WBP1L: variants seen among roughly 807,000 people sequenced by gnomAD.
The protein encoded by WBP1L is WW domain binding protein 1 like, also known as WW domain binding protein 1-like.
Under a neutral mutation model 33.7 loss-of-function variants are expected in WBP1L, and 17 were observed. That is an observed-to-expected ratio of 0.50 (90% confidence interval 0.34 to 0.76). The LOEUF (loss-of-function observed/expected upper bound fraction) is 0.76, where lower values mean the gene tolerates loss of function less well. Among genes scored for constraint, WBP1L ranks in the 30% least tolerant of loss-of-function variants. The probability of loss-of-function intolerance (pLI) is 0.01; values close to 1 mark genes in which losing one functional copy is unlikely to be tolerated. For missense variants in WBP1L, 389 were observed against 469.4 expected (o/e 0.83, Z 1.58); for synonymous variants, 173 against 190.8 (o/e 0.91, Z 0.77).
chr10:102,780,848 A>G (rs912469822), intron 1 of WBP1L, among the ~76,000 whole-genome samples: 1 of 152,208 alleles, frequency 6.6e-6, no homozygotes, highest in African/African-American at 2.4e-5. Flanking sequence ...GGTAAGTTCT[A>G]GTTGATGGAA....
chr10:102,769,549 C>G (rs1003207352), intron 1 of WBP1L, among the ~76,000 whole-genome samples: 1 of 152,042 alleles, frequency 6.6e-6, no homozygotes, highest in African/African-American at 2.4e-5. Context: ...CTTTGTTATC[C>G]CCACAGCACA....
chr10:102,768,384 T>C (rs1336642722), intron 1 of WBP1L, among the ~76,000 whole-genome samples: 1 of 17,072 alleles, frequency 5.9e-5, no homozygotes, highest in Non-Finnish European at 9.6e-5. Context: ...TTTTTTTTTT[T>C]TTTTTTTTTT....
Position 102,809,884 on chromosome 10 carries a change from AC to A in WBP1L, c.194-3del. On this transcript the variant is annotated splice_polypyrimidine_tract_variant and splice_region_variant and intron_variant, in intron 2 of 3. Coordinates refer to ENST00000448841, the MANE Select transcript of WBP1L (RefSeq NM_001083913.2). ...TGTGCCTCTCTGTCTTGCCTTGCCC[AC>A]CCCCCAGGGTTCTGGCTGGTGTGGA... 4 of 1,603,376 alleles carry A rather than the reference AC, an allele frequency of 2.5e-6. No homozygotes were observed. The highest frequency in any genetic ancestry group is 1.7e-6 in the Non-Finnish European group (2 of 1,175,206).
intron 1 of WBP1L, among the ~76,000 whole-genome samples, chr10:102,771,526 A>C (rs1797128746): frequency 6.6e-6 from 1 of 150,718 alleles, no homozygotes; most frequent in African/African-American, 2.4e-5. Context: ...ATTTTAAATA[A>C]AAATTTAAAA....
intron 1 of WBP1L, chr10:102,776,239 C>T (rs532929739): frequency 6.4e-7 from 1 of 1,560,978 alleles, no homozygotes; most frequent in East Asian, 2.3e-5. Context: ...TGCTCGGTCC[C>T]AGGACTCTGT....
chr10:102,764,283 GAAC>G (rs750484304), intron 1 of WBP1L, among the ~76,000 whole-genome samples: 13 of 152,162 alleles, frequency 8.5e-5, no homozygotes, highest in South Asian at 4.1e-4. Flanking sequence ...TCTCAAATAA[GAAC>G]AACAACATTA....
chr10:102,791,186 G>A (rs1843492750), intron 1 of WBP1L, among the ~76,000 whole-genome samples: 1 of 152,126 alleles, frequency 6.6e-6, no homozygotes, highest in Non-Finnish European at 1.5e-5. Context: ...TAGGTCAACT[G>A]GAAAGGCCTG....
intron 1 of WBP1L, among the ~76,000 whole-genome samples, chr10:102,751,431 C>T (rs149650515): frequency 2.0e-5 from 3 of 151,824 alleles, no homozygotes; most frequent in Non-Finnish European, 4.4e-5. Flanking sequence ...TATCTCAGCC[C>T]TCCTAGTAGC....
At chr10:102,768,371 G>GT (rs1192088947) in intron 1 of WBP1L, among the ~76,000 whole-genome samples, 515 of 12,224 alleles carry the variant, frequency 0.042, 33 homozygotes, top group African/African-American at 0.052. Flanking sequence ...TTAGTTTTTT[G>GT]TTTTTTTTTT....
intron 1 of WBP1L, among the ~76,000 whole-genome samples, chr10:102,782,572 A>G (rs2134046964): frequency 6.6e-6 from 1 of 151,996 alleles, no homozygotes; most frequent in East Asian, 1.9e-4. Flanking sequence ...GGGCTTCTTG[A>G]CTCTTATTTC....
intron 3 of WBP1L, among the ~76,000 whole-genome samples, chr10:102,810,472 TC>T (rs1188008341): frequency 2.4e-4 from 14 of 59,004 alleles, no homozygotes; most frequent in Non-Finnish European, 4.4e-4. Flanking sequence ...CTTCCTTCCT[TC>T]CCTCCTTCCT....
chr10:102,794,531 GA>G (rs1843546812), intron 1 of WBP1L, among the ~76,000 whole-genome samples: 1 of 152,086 alleles, frequency 6.6e-6, no homozygotes, highest in Non-Finnish European at 1.5e-5. Context: ...ATCTTAACCA[GA>G]CCTAGGGCCA....
intron 1 of WBP1L, among the ~76,000 whole-genome samples, chr10:102,791,448 G>T (rs1843497134): frequency 6.6e-6 from 1 of 152,178 alleles, no homozygotes; most frequent in African/African-American, 2.4e-5. Flanking sequence ...CATGGTTGGG[G>T]GAAGGGGGTC....
At chr10:102,788,817 G>C (rs1036916749) in intron 1 of WBP1L, among the ~76,000 whole-genome samples, 1 of 152,094 alleles carries the variant, frequency 6.6e-6, no homozygotes, top group Non-Finnish European at 1.5e-5. Flanking sequence ...ATAAATAAAG[G>C]CTCAAGGTAA....
chr10:102,807,665 G>A (rs975866450), intron 2 of WBP1L, among the ~76,000 whole-genome samples: 5 of 152,016 alleles, frequency 3.3e-5, no homozygotes, highest in Middle Eastern at 3.4e-3. Context: ...GAGCCCCTGC[G>A]CCCAGCCATA....
At position 102,813,289 on chromosome 10, in the gene WBP1L, G is replaced by T. The variant is rs768725536; in HGVS notation, c.1050G>T (p.Glu350Asp). 16 of 1,612,438 alleles carry T rather than the reference G, an allele frequency of 9.9e-6. No homozygotes were observed. In the South Asian group the frequency reaches 1.6e-4, roughly 17 times the overall value. The change falls in exon 4 of 4, where the codon GAG (glutamate) becomes GAT (aspartate). Residue 350 changes from glutamate (E) to aspartate (D), a missense_variant. By Grantham distance (45) the Glu-to-Asp change is conservative. Transcript: ENST00000448841. ...PACLLLNTIN[E>D]QDSPNSQSSS... ...GCCTGCTGCTGAACACCATCAACGA[G>T]CAGGACTCTCCCAACTCCCAGAGCA...
intron 1 of WBP1L, among the ~76,000 whole-genome samples, chr10:102,790,250 C>G (rs1843477014): frequency 6.6e-6 from 1 of 152,112 alleles, no homozygotes; most frequent in Non-Finnish European, 1.5e-5. Context: ...TGTGACCCAT[C>G]TGTTGAGTTT....
chr10:102,749,426 A>G (rs1408899068), intron 1 of WBP1L, among the ~76,000 whole-genome samples: 1 of 150,868 alleles, frequency 6.6e-6, no homozygotes, highest in Non-Finnish European at 1.5e-5. Flanking sequence ...GCATGCCACC[A>G]CACCTGGCCC....
chr10:102,784,893 C>G (rs1387320934), intron 1 of WBP1L, among the ~76,000 whole-genome samples: 93 of 126,154 alleles, frequency 7.4e-4, no homozygotes, highest in Non-Finnish European at 1.3e-3. Flanking sequence ...TTTTTTAGGG[C>G]GGGGACAGAG....
Sources: allele counts gnomAD v4.1 joint callset (sites outside exome capture counted in the v4.1 genomes callset), GRCh38; gene constraint gnomAD v4.1.1; transcripts MANE v1.5; gene names NCBI Gene and HGNC (gene_info 2026-07-23, HGNC 2026-07-21).